DLG2: variants seen among roughly 807,000 people sequenced by gnomAD.
DLG2 encodes the protein discs large MAGUK scaffold protein 2.
A neutral mutation model predicts 132.5 loss-of-function variants in DLG2; 45 were observed. The ratio of observed to expected loss-of-function variants is 0.34; its 90% CI spans 0.27 to 0.44. The LOEUF (loss-of-function observed/expected upper bound fraction) is 0.44, where lower values mean the gene tolerates loss of function less well. Ranked by LOEUF, DLG2 falls within the 20% of genes least tolerant of loss-of-function variation. The pLI is 1.00. For synonymous variants in DLG2, 424 were observed against 419.6 expected (o/e 1.01, Z -0.13); for missense variants, 1,045 against 1,196.9 (o/e 0.87, Z 1.87).
At chr11:83,633,177 C>T in intron 19 of DLG2, 34 bp downstream of exon 19, 2 of 1,594,816 alleles carry the variant, frequency 1.3e-6, no homozygotes, top group South Asian at 2.2e-5. Context: ...GAATTGCTCA[C>T]AAAGTGCAGA....
At chr11:83,606,881 C>A (rs1165622081) in intron 19 of DLG2, among the ~76,000 whole-genome samples, 1 of 151,878 alleles carries the variant, frequency 6.6e-6, no homozygotes, top group Non-Finnish European at 1.5e-5. Context: ...GAGCAGAGAT[C>A]GCGCCACTGC....
chr11:84,378,320 G>A (rs1238393014), intron 7 of DLG2, among the ~76,000 whole-genome samples: 2 of 152,112 alleles, frequency 1.3e-5, no homozygotes, highest in African/African-American at 4.8e-5. Flanking sequence ...GACACAGTGA[G>A]AAGGCAGCCA....
chr11:83,995,810 T>A (rs979691086), intron 11 of DLG2, among the ~76,000 whole-genome samples: 1 of 152,164 alleles, frequency 6.6e-6, no homozygotes, highest in Non-Finnish European at 1.5e-5. Context: ...TATTGCCATA[T>A]ACAAAAATCA....
chr11:84,068,417 C>T (rs1296508728), intron 10 of DLG2, among the ~76,000 whole-genome samples: 2 of 152,196 alleles, frequency 1.3e-5, no homozygotes, highest in Non-Finnish European at 2.9e-5. Flanking sequence ...TAGCTCATTC[C>T]TTTTTCCCTT....
intron 6 of DLG2, among the ~76,000 whole-genome samples, chr11:85,051,645 T>C (rs2062904012): frequency 6.6e-6 from 1 of 152,164 alleles, no homozygotes. Context: ...ACATTTATAG[T>C]GCGGAGTTGT....
At chr11:85,330,499 C>T (rs1359069655) in intron 3 of DLG2, among the ~76,000 whole-genome samples, 34 of 61,048 alleles carry the variant, frequency 5.6e-4, no homozygotes, top group African/African-American at 2.1e-3. Context: ...AAATTGGAAA[C>T]CATCATTCTC....
intron 16 of DLG2, among the ~76,000 whole-genome samples, chr11:83,874,054 G>C (rs537310482): frequency 1.3e-5 from 2 of 152,080 alleles, no homozygotes; most frequent in South Asian, 2.1e-4. Context: ...GGCACATAAG[G>C]TGAGTTTCCT....
At chr11:83,565,339 T>C (rs556107013) in intron 19 of DLG2, among the ~76,000 whole-genome samples, 1 of 152,304 alleles carries the variant, frequency 6.6e-6, no homozygotes, top group South Asian at 2.1e-4. Flanking sequence ...CCTACTTCAC[T>C]ACCTTTAGAG....
At chr11:85,248,142 T>C (rs1278734192) in intron 4 of DLG2, among the ~76,000 whole-genome samples, 3 of 152,114 alleles carry the variant, frequency 2.0e-5, no homozygotes, top group Admixed American at 6.6e-5. Context: ...ACTGTCTCAC[T>C]GAACCACGTG....
intron 7 of DLG2, among the ~76,000 whole-genome samples, chr11:84,453,368 T>C (rs2099056794): frequency 6.6e-6 from 1 of 151,622 alleles, no homozygotes; most frequent in African/African-American, 2.4e-5. Context: ...GATAAGAAAG[T>C]TGAGGTTCTA....
intron 3 of DLG2, among the ~76,000 whole-genome samples, chr11:85,551,716 T>C (rs1398861755): frequency 6.6e-6 from 1 of 152,164 alleles, no homozygotes; most frequent in East Asian, 1.9e-4. Context: ...TCTGAATTTT[T>C]GTTTCAATAA....
At chr11:84,598,316 A>C (rs1030467222) in intron 6 of DLG2, among the ~76,000 whole-genome samples, 1 of 152,110 alleles carries the variant, frequency 6.6e-6, no homozygotes, top group Admixed American at 6.6e-5. Context: ...ACAAATTATA[A>C]ATTTGGGCAA....
chr11:85,216,100 G>C (rs951003343), intron 4 of DLG2, among the ~76,000 whole-genome samples: 3 of 151,576 alleles, frequency 2.0e-5, no homozygotes, highest in East Asian at 3.9e-4. Flanking sequence ...GAGGATCCCT[G>C]AATGCAGGAG....
chr11:85,602,409 GTCTT>G (rs971970784), intron 2 of DLG2, among the ~76,000 whole-genome samples: 7 of 151,148 alleles, frequency 4.6e-5, no homozygotes, highest in Non-Finnish European at 1.0e-4. Flanking sequence ...TTTTCTTTCT[GTCTT>G]TGTTTGTTTG....
At chr11:84,473,017 A>C (rs1256252959) in intron 7 of DLG2, among the ~76,000 whole-genome samples, 1 of 151,996 alleles carries the variant, frequency 6.6e-6, no homozygotes, top group Non-Finnish European at 1.5e-5. Context: ...AGTAATGCCA[A>C]AGCTAGAAGG....
chr11:83,641,874 T>C (rs1280600142), intron 18 of DLG2, among the ~76,000 whole-genome samples: 1 of 151,286 alleles, frequency 6.6e-6, no homozygotes, highest in Non-Finnish European at 1.5e-5. Flanking sequence ...TGTGTGTGTG[T>C]GTGTGTGTGT....
intron 7 of DLG2, among the ~76,000 whole-genome samples, chr11:84,490,926 T>A (rs1020762036): frequency 6.6e-6 from 1 of 151,916 alleles, no homozygotes; most frequent in African/African-American, 2.4e-5. Flanking sequence ...TGTGTTACCA[T>A]ATTTAATTCT....
rs540642615 is a variant in DLG2, at chr11:83,906,257, TCACACACACACACACACACA to T, written c.1496+24051_1496+24070del. 1.6e-3 allele frequency among the ~76,000 whole-genome samples: 107 copies of T among 67,136 alleles called. 2 individuals carry two copies. Among genetic ancestry groups the T allele is most frequent in the East Asian group, 2.7e-3 (5 of 1,858 alleles). 44.0% of individuals were successfully genotyped at this position (67,136 alleles called of 152,430 possible). A position where few individuals can be genotyped will look rare whatever the true frequency, so the allele number is the denominator to read the frequency against. ...GTCTCTCTCTCTCTCTCTCTCTCTCTCACACACACACACACACACACACACACACACACACACACACACAC... is the reference window on the plus strand; with the variant it reads ...GTCTCTCTCTCTCTCTCTCTCTCTCTCACACACACACACACACACACACAC... On this transcript the variant is annotated intron_variant, in intron 15 of 27. Coordinates refer to ENST00000376104, the MANE Select transcript of DLG2 (RefSeq NM_001142699.3).
At chr11:84,201,779 T>C (rs922160392) in intron 8 of DLG2, among the ~76,000 whole-genome samples, 4 of 151,326 alleles carry the variant, frequency 2.6e-5, no homozygotes, top group African/African-American at 9.7e-5. Context: ...ACCATTGACA[T>C]TCTTCACAGA....
Sources: gnomAD v4.1 joint callset for allele counts (sites outside exome capture counted in the v4.1 genomes callset) on GRCh38, gnomAD v4.1.1 for gene constraint, MANE v1.5 for transcripts, NCBI Gene and HGNC (gene_info 2026-07-23, HGNC 2026-07-21) for gene names.